The following AP2B1 variants were observed in gnomAD, a reference collection of about 807,000 sequenced individuals.
AP2B1 encodes the protein AP-2 complex subunit beta.
AP2B1 carries 23 observed loss-of-function variants against 102.0 expected under a neutral mutation model. The observed-to-expected ratio is 0.23, with a 90% CI of 0.16 to 0.32. The LOEUF (loss-of-function observed/expected upper bound fraction) is 0.32. Among genes scored for constraint, AP2B1 ranks in the 10% least tolerant of loss-of-function variants. The pLI is 1.00. For missense variants in AP2B1, 541 were observed against 1,157.4 expected, an observed-to-expected ratio of 0.47 and a Z score of 7.73; for synonymous variants, 381 against 421.2, an observed-to-expected ratio of 0.90 and a Z score of 1.17.
chr17:35,596,796 A>G (rs888896225), intron 2 of AP2B1: 7 of 617,016 alleles, frequency 1.1e-5, no homozygotes, highest in Admixed American at 8.9e-5. Context: ...CGTCAGCTGC[A>G]TGGGCCCCCG....
At chr17:35,620,503 G>A (rs1365325891) in intron 5 of AP2B1, among the ~76,000 whole-genome samples, 1 of 152,074 alleles carries the variant, frequency 6.6e-6, no homozygotes, top group Non-Finnish European at 1.5e-5. Flanking sequence ...CATTTTTAAA[G>A]CGAAACTTTC....
rs1309654140 is a variant in AP2B1 at position 35,725,455 on chromosome 17, CCT to C, written c.*1757_*1758del. On this transcript the variant is annotated 3_prime_UTR_variant, in exon 22 of 22. Transcript: ENST00000610402. Reference sequence around the variant, plus strand: ...ACCCCTATTTCATGTCTGAAATAACCCTGTTTCATACCAGTTGCAAAGCTTGT... The same window carrying C: ...ACCCCTATTTCATGTCTGAAATAACCGTTTCATACCAGTTGCAAAGCTTGT... 1.3e-5 allele frequency: 2 copies of C among 152,138 alleles called. No individual in the cohort carries two copies. The highest frequency in any genetic ancestry group is 6.5e-5 in the Admixed American group (1 of 15,272). 9.4% of individuals were successfully genotyped at this position (152,138 alleles called of 1,614,324 possible).
chr17:35,609,407 C>T (rs1035966189), intron 5 of AP2B1, among the ~76,000 whole-genome samples: 2 of 149,300 alleles, frequency 1.3e-5, no homozygotes, highest in African/African-American at 5.0e-5. Context: ...AGTGCAGTGG[C>T]GTGATCTCAG....
chr17:35,667,933 ATTTTTTTTTTT>A (rs34486349), intron 14 of AP2B1, among the ~76,000 whole-genome samples: 1 of 120,176 alleles, frequency 8.3e-6, no homozygotes, highest in East Asian at 2.3e-4. Context: ...CGCTGCTCAA[ATTTTTTTTTTT>A]TTTTTTTTTT....
At chr17:35,622,878 C>G (rs1451627160) in intron 5 of AP2B1, among the ~76,000 whole-genome samples, 2 of 152,096 alleles carry the variant, frequency 1.3e-5, no homozygotes, top group African/African-American at 4.8e-5. Context: ...GTTGGCCAGG[C>G]TGGTCTCGAA....
At chr17:35,688,358 C>T (rs2075977198) in intron 18 of AP2B1, among the ~76,000 whole-genome samples, 1 of 152,164 alleles carries the variant, frequency 6.6e-6, no homozygotes, top group African/African-American at 2.4e-5. Context: ...ATTCTTGATA[C>T]TTGCTTTAGC....
chr17:35,608,971 C>G (rs1598021199), intron 5 of AP2B1, among the ~76,000 whole-genome samples: 1 of 152,150 alleles, frequency 6.6e-6, no homozygotes, highest in Admixed American at 6.5e-5. Context: ...ATATGTTTGA[C>G]TCCAGTAATA....
At chr17:35,677,880 A>G (rs1030916886) in intron 17 of AP2B1, among the ~76,000 whole-genome samples, 3 of 145,026 alleles carry the variant, frequency 2.1e-5, no homozygotes, top group African/African-American at 7.7e-5. Context: ...TTTTTTTGAG[A>G]CAGAGTTTTT....
chr17:35,669,644 T>C (rs1400774479), intron 14 of AP2B1, among the ~76,000 whole-genome samples: 1 of 152,210 alleles, frequency 6.6e-6, no homozygotes, highest in East Asian at 1.9e-4. Flanking sequence ...TTTGTTGTAG[T>C]CGTCACTATT....
intron 7 of AP2B1, among the ~76,000 whole-genome samples, 187 bp downstream of exon 7, chr17:35,627,029 A>AT (rs1219301525): frequency 6.6e-6 from 1 of 152,166 alleles, no homozygotes; most frequent in African/African-American, 2.4e-5. Flanking sequence ...TCTATAATAA[A>AT]TGCCATGCGT....
Position 35,594,077 on chromosome 17 carries a change from A to C in AP2B1, c.37+10A>C, listed in dbSNP as rs760352309. ...ACAACCAATAAAAAAGGTAAGTATG[A>C]GAATACAATCAAATCTTTTGAAATT... is the stretch of plus-strand genomic sequence containing the variant. On this transcript the variant is annotated intron_variant, in intron 2 of 21. Coordinates refer to ENST00000610402, the MANE Select transcript of AP2B1 (RefSeq NM_001030006.2). The C allele has an allele frequency of 6.3e-7, 1 of 1,577,974 alleles. No homozygotes were observed. Among genetic ancestry groups the C allele is most frequent in the East Asian group, 2.3e-5 (1 of 43,964 alleles).
chr17:35,714,900 A>G (rs900894413), intron 20 of AP2B1, among the ~76,000 whole-genome samples: 19 of 152,168 alleles, frequency 1.2e-4, no homozygotes, highest in African/African-American at 4.6e-4. Flanking sequence ...TCACAACTAT[A>G]AGATTCCGTC....
chr17:35,599,628 G>C (rs974211719), intron 3 of AP2B1, among the ~76,000 whole-genome samples: 1 of 152,206 alleles, frequency 6.6e-6, no homozygotes, highest in Non-Finnish European at 1.5e-5. Context: ...TGGAGGCCAG[G>C]CGTGGTGGCT....
At chr17:35,657,509 A>G (rs1598198698) in intron 13 of AP2B1, 90 bp from the exon 14 acceptor site, 4 of 990,806 alleles carry the variant, frequency 4.0e-6, no homozygotes, top group African/African-American at 1.6e-5. Context: ...ATAGTTATAT[A>G]TAGCTATATG....
chr17:35,635,084 C>A (rs936217789), intron 9 of AP2B1, among the ~76,000 whole-genome samples: 2 of 152,176 alleles, frequency 1.3e-5, no homozygotes, highest in African/African-American at 4.8e-5. Flanking sequence ...CATAGTCTCG[C>A]TCTGTCGGCC....
Position 35,627,519 on chromosome 17 carries a change from C to T in AP2B1, c.1059+14C>T. ...AACATTGCTCAGGTCAGACTTTATG[C>T]AGACTCAAGTTGATGATGATTTAGC... On this transcript the variant is annotated intron_variant, in intron 8 of 21. Coordinates refer to ENST00000610402, the MANE Select transcript of AP2B1 (RefSeq NM_001030006.2). The T allele has an allele frequency of 1.2e-6, 2 of 1,613,912 alleles. No individual in the cohort carries two copies. The highest frequency in any genetic ancestry group is 1.7e-6 in the Non-Finnish European group (2 of 1,179,920).
chr17:35,647,969 G>A (rs922634749), intron 12 of AP2B1, among the ~76,000 whole-genome samples: 2 of 148,858 alleles, frequency 1.3e-5, no homozygotes, highest in Non-Finnish European at 3.0e-5. Flanking sequence ...TCAGCTCAAT[G>A]CAACCTCCAC....
At position 35,649,431 on chromosome 17, in the gene AP2B1, G is replaced by A. The variant is rs116956880; in HGVS notation, c.1537-1099G>A. Among the ~76,000 whole-genome samples, 1,393 of 152,184 alleles carry A rather than the reference G, an allele frequency of 9.2e-3. 9 individuals carry two copies. Among genetic ancestry groups the A allele is most frequent in the Non-Finnish European group, 0.014 (969 of 68,000 alleles). On this transcript the variant is annotated intron_variant, in intron 12 of 21. Coordinates refer to ENST00000610402, the MANE Select transcript of AP2B1 (RefSeq NM_001030006.2). ...TTATAGGCATGTGCCACCTTGCCTG[G>A]CTAATTTTTTGTATTTGTAGTAGAT...
chr17:35,621,443 G>A (rs1197145792), intron 5 of AP2B1: 2 of 698,698 alleles, frequency 2.9e-6, no homozygotes, highest in Non-Finnish European at 3.5e-6. Context: ...GAGATAGGAT[G>A]GAAGGAACTT....
Sources: gnomAD v4.1 joint callset for allele counts (sites outside exome capture counted in the v4.1 genomes callset) on GRCh38, gnomAD v4.1.1 for gene constraint, MANE v1.5 for transcripts, NCBI Gene and HGNC (gene_info 2026-07-23, HGNC 2026-07-21) for gene names.